Variants in PCDHA1 observed in about 807,000 individuals in gnomAD.
PCDHA1 encodes protocadherin alpha 1, also known as protocadherin alpha-1.
In PCDHA1, 42 loss-of-function variants were observed where a neutral mutation model predicts 61.3. The ratio of observed to expected loss-of-function variants is 0.69; its 90% CI spans 0.54 to 0.89. PCDHA1 has a LOEUF of 0.89. Ranked by LOEUF, PCDHA1 falls within the 40% of genes least tolerant of loss-of-function variation. The pLI is 0.00. For missense variants in PCDHA1, 1,256 were observed against 1,235.3 expected (o/e 1.02, Z -0.25); for synonymous variants, 610 against 553.8 (o/e 1.10, Z -1.43).
chr5:140,839,071 T>C lies in PCDHA1; in HGVS notation c.2394+50387T>C, dbSNP rs115806337. 2.0e-3 allele frequency among the ~76,000 whole-genome samples: 311 copies of C among 152,148 alleles called. 5 individuals are homozygous for C. Among genetic ancestry groups the C allele is most frequent in the African/African-American group, 7.1e-3 (293 of 41,488 alleles). On this transcript the variant is annotated intron_variant, in intron 1 of 3. Coordinates refer to ENST00000504120, the MANE Select transcript of PCDHA1 (RefSeq NM_018900.4). ...TGAATAAGGATAGAGGTATGCAAAG[T>C]CAAAAACCTGTCTGATAATCAATAG...
intron 1 of PCDHA1, chr5:140,884,640 A>G: frequency 6.2e-7 from 1 of 1,610,250 alleles, no homozygotes; most frequent in East Asian, 2.2e-5. Context: ...CAGAGGGAGG[A>G]GGACTCAGAA....
intron 1 of PCDHA1, chr5:140,795,165 G>T: frequency 6.2e-7 from 1 of 1,614,054 alleles, no homozygotes; most frequent in Non-Finnish European, 8.5e-7. Context: ...TCCGGGTGGC[G>T]TCCAAAAGAC....
At chr5:140,807,007 C>CA in intron 1 of PCDHA1, 2 of 765,926 alleles carry the variant, frequency 2.6e-6, no homozygotes, top group East Asian at 2.6e-5. Flanking sequence ...CTCTTTACCA[C>CA]AAAATACATG....
intron 1 of PCDHA1, chr5:140,849,169 C>A: frequency 1.8e-6 from 2 of 1,130,206 alleles, no homozygotes; most frequent in Non-Finnish European, 2.5e-6. Context: ...CTGACTGGCA[C>A]CGTTCAATTA....
At position 140,822,512 on chromosome 5, in the gene PCDHA1, A is replaced by G. The variant is rs2150116913; in HGVS notation, c.2394+33828A>G. 3 of 1,613,952 alleles carry G rather than the reference A, an allele frequency of 1.9e-6. No individual in the cohort carries two copies. The East Asian group carries it at 6.7e-5, about 36-fold the overall frequency. On this transcript the variant is annotated intron_variant, in intron 1 of 3. Transcript: ENST00000504120. ...GCCCCAGAATTTGATAAATCCATTT[A>G]TAATGTCAGATTGTTGGAAAATGCA...
chr5:140,863,748 C>G (rs1221413981), intron 1 of PCDHA1: 1 of 241,166 alleles, frequency 4.1e-6, no homozygotes, highest in Non-Finnish European at 8.2e-6. Flanking sequence ...TTTGTAATCC[C>G]GGCACTTTGG....
rs782362312 is a variant in PCDHA1 at position 140,884,131 on chromosome 5, G to T, written c.2395-94818G>T. 4 of 1,613,396 alleles carry T rather than the reference G, an allele frequency of 2.5e-6. No individual in the cohort carries two copies. In the South Asian group the frequency reaches 3.3e-5, roughly 13 times the overall value. On this transcript the variant is annotated intron_variant, in intron 1 of 3. Coordinates refer to ENST00000504120, the MANE Select transcript of PCDHA1 (RefSeq NM_018900.4). ...TGGCGGCGGTCGGCGCGCGCATCCCGTTCCGCGTGGGGCTGTACACTGGCG... is the reference window on the plus strand; with the variant it reads ...TGGCGGCGGTCGGCGCGCGCATCCCTTTCCGCGTGGGGCTGTACACTGGCG...
chr5:141,011,429 A>G lies in PCDHA1; in HGVS notation c.*1492A>G, dbSNP rs1554263477. ...TGTGTATGTGAATGTTAATGCAACT[A>G]TTACCTAGAGTGAACTTTAAGCTTT... On this transcript the variant is annotated 3_prime_UTR_variant, in exon 4 of 4. Coordinates refer to ENST00000504120, the MANE Select transcript of PCDHA1 (RefSeq NM_018900.4). 1.3e-5 allele frequency: 2 copies of G among 153,758 alleles called. No homozygotes were observed. Among genetic ancestry groups the G allele is most frequent in the Non-Finnish European group, 2.9e-5 (2 of 68,036 alleles). 9.5% of individuals were successfully genotyped at this position (153,758 alleles called of 1,614,324 possible).
At chr5:140,941,219 C>CTT (rs1308794823) in intron 1 of PCDHA1, among the ~76,000 whole-genome samples, 11 of 125,974 alleles carry the variant, frequency 8.7e-5, no homozygotes, top group African/African-American at 3.2e-4. Flanking sequence ...TTCTTCCTTT[C>CTT]TTTCTTTCTT....
rs139807581 is a variant in PCDHA1, at chr5:140,835,502, C to T, written c.2394+46818C>T. ...CAGGTACCGTCATCACATTGATTAG[C>T]GTGTTTGACCGAGATTTTGGAGTCA... is the stretch of plus-strand genomic sequence containing the variant. On this transcript the variant is annotated intron_variant, in intron 1 of 3. Transcript: ENST00000504120. 113 of 1,613,806 alleles carry T rather than the reference C, an allele frequency of 7.0e-5. 1 individual carries two copies. Among genetic ancestry groups the T allele is most frequent in the Non-Finnish European group, 8.7e-5 (103 of 1,179,880 alleles).
chr5:140,891,235 G>T (rs186707439), intron 1 of PCDHA1, among the ~76,000 whole-genome samples: 48 of 152,092 alleles, frequency 3.2e-4, no homozygotes, highest in African/African-American at 1.1e-3. Flanking sequence ...TCCTGTTCTG[G>T]ATTCAGTAGG....
intron 1 of PCDHA1, chr5:140,966,328 CG>C: frequency 2.5e-6 from 1 of 392,484 alleles, no homozygotes; most frequent in Non-Finnish European, 4.5e-6. Flanking sequence ...CGCTGGGATC[CG>C]GCAGGTCCAG....
In PCDHA1 at chr5:140,805,168, C is replaced by T. The variant is rs969521451; in HGVS notation, c.2394+16484C>T. The T allele has an allele frequency of 1.6e-5, 24 of 1,530,124 alleles. No homozygotes were observed. The African/African-American group carries it at 3.3e-4, about 21-fold the overall frequency. The allele number at this position is 1,530,124 out of a possible 1,614,324, so 94.8% of individuals were successfully genotyped here. ...TTGGAATTTTCACTTCACAGATGTACTGATGCTATGCCAAATAAATATTGA... is the reference window on the plus strand; with the variant it reads ...TTGGAATTTTCACTTCACAGATGTATTGATGCTATGCCAAATAAATATTGA... On this transcript the variant is annotated intron_variant, in intron 1 of 3. Transcript: ENST00000504120.
At chr5:140,930,902 T>C (rs1474835953) in intron 1 of PCDHA1, among the ~76,000 whole-genome samples, 1 of 152,212 alleles carries the variant, frequency 6.6e-6, no homozygotes, top group Non-Finnish European at 1.5e-5. Flanking sequence ...TTTAACTTAC[T>C]TTTCTACTTT....
chr5:140,830,663 G>T (rs114741049), intron 1 of PCDHA1: 3 of 406,220 alleles, frequency 7.4e-6, no homozygotes, highest in Non-Finnish European at 1.2e-5. Context: ...CATAATTTAA[G>T]TGAAATTAGA....
At chr5:140,908,794 C>T (rs1554193480) in intron 1 of PCDHA1, among the ~76,000 whole-genome samples, 1 of 152,142 alleles carries the variant, frequency 6.6e-6, no homozygotes, top group African/African-American at 2.4e-5. Context: ...TTCTGTACTA[C>T]ATTAAAAAGT....
intron 1 of PCDHA1, chr5:140,859,160 T>C (rs1554152196): frequency 6.7e-6 from 1 of 150,194 alleles, no homozygotes; most frequent in Non-Finnish European, 1.5e-5. Context: ...CTCTTCATTA[T>C]CTGCTCCTTT....
chr5:140,897,389 C>G (rs1212817070), intron 1 of PCDHA1, among the ~76,000 whole-genome samples: 1 of 139,546 alleles, frequency 7.2e-6, no homozygotes, highest in Non-Finnish European at 1.5e-5. Context: ...CTTCCTGTGT[C>G]CATGTGTTCT....
intron 3 of PCDHA1, among the ~76,000 whole-genome samples, chr5:141,000,343 C>G (rs1410684542): frequency 1.7e-5 from 2 of 116,202 alleles, no homozygotes; most frequent in Admixed American, 9.0e-5. Context: ...GGCCCTATCT[C>G]TCTCTCTGTC....
Sources: allele counts gnomAD v4.1 joint callset (sites outside exome capture counted in the v4.1 genomes callset), GRCh38; gene constraint gnomAD v4.1.1; transcripts MANE v1.5; gene names NCBI Gene and HGNC (gene_info 2026-07-23, HGNC 2026-07-21).